WASHC5: variants seen among roughly 807,000 people sequenced by gnomAD.
The protein encoded by WASHC5 is WASH complex subunit strumpellin.
WASHC5 carries 101 observed loss-of-function variants against 150.4 expected under a neutral mutation model. The observed-to-expected ratio is 0.67, with a 90% CI of 0.57 to 0.79. The LOEUF (loss-of-function observed/expected upper bound fraction) is 0.79. Ranked by LOEUF, WASHC5 falls within the 30% of genes least tolerant of loss-of-function variation. The pLI, the probability that WASHC5 is intolerant of heterozygous loss-of-function variation, is 0.00. For missense variants in WASHC5, 1,195 were observed against 1,396.3 expected (o/e 0.86, Z 2.30); for synonymous variants, 467 against 491.2 (o/e 0.95, Z 0.65).
chr8:125,083,354 G>A (rs1817327396), intron 2 of WASHC5, 96 bp from the exon 3 acceptor site: 5 of 1,149,138 alleles, frequency 4.4e-6, no homozygotes, highest in Non-Finnish European at 3.8e-6. Flanking sequence ...TATGTTATTA[G>A]ACATCCCAAA....
chr8:125,070,235 T>C (rs1161608627), intron 9 of WASHC5, among the ~76,000 whole-genome samples: 1 of 152,248 alleles, frequency 6.6e-6, no homozygotes, highest in African/African-American at 2.4e-5. Context: ...CTAGGCCTGC[T>C]TTTCTGAACA....
rs1328127304 is a variant in WASHC5 at position 125,059,538 on chromosome 8, T to C, written c.1526A>G (p.Gln509Arg). 2.5e-6 allele frequency: 4 copies of C among 1,611,860 alleles called. No homozygotes were observed. The highest frequency in any genetic ancestry group is 1.3e-5 in the African/African-American group (1 of 74,910). ...VQLIQALEEV[Q>R]EFHQLESNLQ... ...ATTGGATTCCAACTGGTGGAATTCTTGAACCTGTGTTACAGAAATATACTT... is the reference window on the plus strand; with the variant it reads ...ATTGGATTCCAACTGGTGGAATTCTCGAACCTGTGTTACAGAAATATACTT... The change falls in exon 13 of 29, where the codon CAA becomes CGA. Residue 509 changes from glutamine (Q) to arginine (R), a missense_variant. Around this residue, in one of 3 missense-constraint regions of WASHC5, gnomAD observed 997 missense variants for 1,168.1 expected, o/e 0.85. Coordinates refer to ENST00000318410, the MANE Select transcript of WASHC5 (RefSeq NM_014846.4).
intron 25 of WASHC5, among the ~76,000 whole-genome samples, chr8:125,038,426 A>T (rs776673739): frequency 6.6e-6 from 1 of 152,202 alleles, no homozygotes; most frequent in Non-Finnish European, 1.5e-5. Flanking sequence ...TTCTGAGCTC[A>T]CAACTGCAGG....
rs192148134 is a variant in WASHC5 at position 125,080,303 on chromosome 8, T to C, written c.518+1358A>G. Among the ~76,000 whole-genome samples the C allele has an allele frequency of 8.5e-5, 13 of 152,324 alleles. No individual in the cohort carries two copies. The East Asian group carries it at 2.5e-3, about 29-fold the overall frequency. On this transcript the variant is annotated intron_variant, in intron 5 of 28. Transcript: ENST00000318410. ...TCTTCTTCTTTACACTGTGTATAGT[T>C]TTTGTTTTTCCAGGTACTCTCAGAA...
intron 28 of WASHC5, among the ~76,000 whole-genome samples, chr8:125,028,375 T>C (rs1815430179): frequency 6.6e-6 from 1 of 152,156 alleles, no homozygotes; most frequent in Admixed American, 6.6e-5. Context: ...CCAGATGAGT[T>C]GCTGACAGGA....
Position 125,043,872 on chromosome 8 carries a change from C to T in WASHC5, c.2803G>A (p.Ala935Thr). Residue 935 changes from alanine (A) to threonine (T), a missense_variant, in exon 23 of 29, where the codon GCC becomes ACC. Ala to Thr is a moderately conservative substitution (Grantham distance 58). This residue lies in a region of WASHC5 where 997 missense variants were observed against 1,168.1 expected (regional missense o/e 0.85). Coordinates refer to ENST00000318410, the MANE Select transcript of WASHC5 (RefSeq NM_014846.4). ...NSNKIYFSAI[A>T]KTQKIWTAYL... ...GCAGTCCAAATCTTCTGTGTTTTGG[C>T]AATGGCGGAAAAATAAATTTTATTT... The T allele has an allele frequency of 6.2e-7, 1 of 1,612,990 alleles. No homozygotes were observed. Among genetic ancestry groups the T allele is most frequent in the South Asian group, 1.1e-5 (1 of 91,062 alleles).
intron 11 of WASHC5, 26 bp from the exon 12 acceptor site, chr8:125,061,220 C>T (rs751764381): frequency 8.3e-7 from 1 of 1,211,940 alleles, no homozygotes; most frequent in Non-Finnish European, 1.2e-6. Context: ...TAAGAAAATA[C>T]TGAAATCCTC....
intron 26 of WASHC5, among the ~76,000 whole-genome samples, chr8:125,035,016 C>T (rs1014340744): frequency 6.6e-6 from 1 of 152,108 alleles, no homozygotes. Flanking sequence ...TTTCAATAAT[C>T]AAGACATTAT....
At chr8:125,067,757 G>A (rs1816790952) in intron 9 of WASHC5, 38 bp from the exon 10 acceptor site, 1 of 1,602,996 alleles carries the variant, frequency 6.2e-7, no homozygotes, top group South Asian at 1.1e-5. Context: ...TACTAAATGT[G>A]TAGAAAATAT....
chr8:125,090,668 A>G (rs1422610009), intron 1 of WASHC5, among the ~76,000 whole-genome samples: 2 of 152,230 alleles, frequency 1.3e-5, no homozygotes, highest in African/African-American at 4.8e-5. Flanking sequence ...TCCTTACACC[A>G]ATTACCCTGA....
intron 9 of WASHC5, among the ~76,000 whole-genome samples, chr8:125,067,994 T>C (rs985024082): frequency 6.6e-6 from 1 of 152,226 alleles, no homozygotes; most frequent in Admixed American, 6.5e-5. Flanking sequence ...TTTGTGAGCA[T>C]TCTGCGGTTT....
chr8:125,053,678 T>C (rs904137712), intron 17 of WASHC5, among the ~76,000 whole-genome samples: 2 of 152,164 alleles, frequency 1.3e-5, no homozygotes, highest in Non-Finnish European at 2.9e-5. Context: ...TTAGGTACAT[T>C]TCCTCTATTT....
intron 9 of WASHC5, among the ~76,000 whole-genome samples, chr8:125,071,895 G>A (rs1283913749): frequency 6.6e-6 from 1 of 152,180 alleles, no homozygotes; most frequent in Non-Finnish European, 1.5e-5. Context: ...GGAAAAGTCT[G>A]TTTTCTTGTT....
intron 27 of WASHC5, 133 bp from the exon 28 acceptor site, chr8:125,028,840 T>C: frequency 1.4e-6 from 1 of 691,334 alleles, no homozygotes; most frequent in Non-Finnish European, 2.6e-6. Context: ...TTGAGCATGC[T>C]CTTAATTCCT....
At chr8:125,074,343 CATG>C (rs1218821889) in intron 8 of WASHC5, among the ~76,000 whole-genome samples, 1 of 152,128 alleles carries the variant, frequency 6.6e-6, no homozygotes, top group African/African-American at 2.4e-5. Flanking sequence ...TTGAATAAAA[CATG>C]ATGAAGTTTT....
At chr8:125,043,796 G>C in intron 23 of WASHC5, 29 bp downstream of exon 23, 2 of 1,469,624 alleles carry the variant, frequency 1.4e-6, no homozygotes, top group African/African-American at 1.4e-5. Context: ...TGTAAGTATT[G>C]ACTGTACACC....
chr8:125,059,124 T>C, intron 14 of WASHC5, 98 bp downstream of exon 14: 1 of 878,576 alleles, frequency 1.1e-6, no homozygotes, highest in Non-Finnish European at 1.9e-6. Context: ...TTATTTACCT[T>C]CCTAAAAGGA....
At position 125,025,383 on chromosome 8, in the gene WASHC5, T is replaced by G. The variant is rs75171398; in HGVS notation, c.3424-710A>C. Among the ~76,000 whole-genome samples, 1,337 of 152,276 alleles carry G rather than the reference T, an allele frequency of 8.8e-3. 14 individuals are homozygous for G. The highest frequency in any genetic ancestry group is 0.016 in the Admixed American group (244 of 15,290). On this transcript the variant is annotated intron_variant, in intron 28 of 28. Transcript: ENST00000318410. ...GAGGGAGAGCATTAGTATAAATACC[T>G]AATACATGTGAGGCTTAAAACCTAG...
At chr8:125,089,531 A>C (rs1208732798) in intron 1 of WASHC5, among the ~76,000 whole-genome samples, 2 of 152,238 alleles carry the variant, frequency 1.3e-5, no homozygotes, top group Non-Finnish European at 2.9e-5. Flanking sequence ...AGACTCATGA[A>C]GAGGAGGACA....
Sources: allele counts gnomAD v4.1 joint callset (sites outside exome capture counted in the v4.1 genomes callset), GRCh38; gene constraint gnomAD v4.1.1; regional missense constraint gnomAD v4.1.1; transcripts MANE v1.5; gene names NCBI Gene and HGNC (gene_info 2026-07-23, HGNC 2026-07-21).